The following CDH4 variants were observed in gnomAD, a reference collection of about 807,000 sequenced individuals.
CDH4 encodes the protein cadherin 4.
CDH4 carries 33 observed loss-of-function variants against 86.0 expected under a neutral mutation model. That is an observed-to-expected ratio of 0.38 (90% CI 0.29 to 0.51). CDH4 has a LOEUF of 0.51. Among genes scored for constraint, CDH4 ranks in the 20% least tolerant of loss-of-function variants. The pLI, the probability that CDH4 is intolerant of heterozygous loss-of-function variation, is 0.86. For synonymous variants in CDH4, 555 were observed against 549.4 expected, an observed-to-expected ratio of 1.01 and a Z score of -0.14; for missense variants, 1,114 against 1,307.4, an observed-to-expected ratio of 0.85 and a Z score of 2.28.
intron 2 of CDH4, among the ~76,000 whole-genome samples, chr20:61,704,245 G>T (rs2087806583): frequency 6.6e-6 from 1 of 152,080 alleles, no homozygotes; most frequent in Non-Finnish European, 1.5e-5. Flanking sequence ...GAAGGCATCA[G>T]CTCACAGGAA....
chr20:61,672,713 G>A (rs888830177), intron 2 of CDH4, among the ~76,000 whole-genome samples: 1 of 152,162 alleles, frequency 6.6e-6, no homozygotes, highest in East Asian at 1.9e-4. Flanking sequence ...ATCCCTCAGG[G>A]TCACTGGCAG....
chr20:61,504,649 G>T (rs911309300), intron 2 of CDH4, among the ~76,000 whole-genome samples: 1 of 152,196 alleles, frequency 6.6e-6, no homozygotes, highest in Non-Finnish European at 1.5e-5. Context: ...CCAGCCCCTC[G>T]TTAAACATCC....
intron 2 of CDH4, among the ~76,000 whole-genome samples, chr20:61,430,465 G>A (rs1429095662): frequency 2.0e-5 from 3 of 152,180 alleles, no homozygotes; most frequent in Non-Finnish European, 2.9e-5. Flanking sequence ...GAGGAAATGG[G>A]AAACCTGCTG....
chr20:61,665,500 G>GAAC (rs2087312817), intron 2 of CDH4, among the ~76,000 whole-genome samples: 4 of 152,244 alleles, frequency 2.6e-5, no homozygotes, highest in African/African-American at 9.6e-5. Context: ...TTTGCAGAGT[G>GAAC]CCTTCTTTCC....
chr20:61,555,449 GCAGGACCCTCTGAGGA>G (rs2086170462), intron 2 of CDH4, among the ~76,000 whole-genome samples: 1 of 152,156 alleles, frequency 6.6e-6, no homozygotes, highest in Non-Finnish European at 1.5e-5. Context: ...GCTACCTGGA[GCAGGACCCTCTGAGGA>G]CAGGGTCTCA....
Position 61,493,383 on chromosome 20 carries a change from T to G in CDH4, c.169+238446T>G, listed in dbSNP as rs116512706. Reference sequence around the variant, plus strand: ...ACAAGTAACCTTTTAGTTCTCTGAGTTTTTTGCTTCTTACAGAGCAGTCTT... The same window carrying G: ...ACAAGTAACCTTTTAGTTCTCTGAGGTTTTTGCTTCTTACAGAGCAGTCTT... On this transcript the variant is annotated intron_variant, in intron 2 of 15. Coordinates refer to ENST00000614565, the MANE Select transcript of CDH4 (RefSeq NM_001794.5). Among the ~76,000 whole-genome samples, 408 of 152,222 alleles carry G rather than the reference T, an allele frequency of 2.7e-3. 4 individuals carry two copies. The highest frequency in any genetic ancestry group is 9.2e-3 in the African/African-American group (384 of 41,532).
At chr20:61,773,705 A>G (rs909091963) in intron 4 of CDH4, among the ~76,000 whole-genome samples, 1 of 152,330 alleles carries the variant, frequency 6.6e-6, no homozygotes, top group African/African-American at 2.4e-5. Context: ...GCCATCAACG[A>G]GCAATTTCTT....
intron 4 of CDH4, among the ~76,000 whole-genome samples, chr20:61,785,265 G>T (rs1055102655): frequency 5.3e-5 from 8 of 152,154 alleles, no homozygotes; most frequent in Non-Finnish European, 1.2e-4. Context: ...CATGGGGAGG[G>T]TCACACCTGT....
At chr20:61,293,233 T>TA (rs1357636608) in intron 2 of CDH4, among the ~76,000 whole-genome samples, 1 of 152,122 alleles carries the variant, frequency 6.6e-6, no homozygotes, top group Non-Finnish European at 1.5e-5. Context: ...CACATGCACG[T>TA]AGTGGGACTT....
At chr20:61,391,982 C>T (rs1019222906) in intron 2 of CDH4, among the ~76,000 whole-genome samples, 5 of 151,994 alleles carry the variant, frequency 3.3e-5, no homozygotes. Context: ...GAAAGACAGC[C>T]CCAGTGACTC....
rs1445058267 is a variant in CDH4, at chr20:61,271,821, T to C, written c.169+16884T>C. Among the ~76,000 whole-genome samples the C allele has an allele frequency of 3.9e-5, 6 of 152,286 alleles. No homozygotes were observed. In the East Asian group the frequency reaches 1.2e-3, roughly 29 times the overall value. On this transcript the variant is annotated intron_variant, in intron 2 of 15. Transcript: ENST00000614565. ...TTGCAATGGAAAGATGAAAACGAGG[T>C]GTCGCTGAGCTCTCCCCTCAACGTG...
chr20:61,542,623 G>A (rs2086048659), intron 2 of CDH4, among the ~76,000 whole-genome samples: 1 of 152,086 alleles, frequency 6.6e-6, no homozygotes, highest in African/African-American at 2.4e-5. Flanking sequence ...GTTAGCATAA[G>A]AAAACAAAAG....
chr20:61,671,973 GTAGA>G (rs1226464588), intron 2 of CDH4, among the ~76,000 whole-genome samples: 6 of 148,962 alleles, frequency 4.0e-5, no homozygotes, highest in East Asian at 2.1e-4. Context: ...GAATAAGCGG[GTAGA>G]TAGATGGATG....
At chr20:61,541,953 C>T (rs6121676) in intron 2 of CDH4, among the ~76,000 whole-genome samples, 30,879 of 152,034 alleles carry the variant, frequency 0.2, 5,234 homozygotes, top group African/African-American at 0.45. Flanking sequence ...GCTGTGTGGC[C>T]TGGTTTGAGC....
intron 4 of CDH4, among the ~76,000 whole-genome samples, chr20:61,775,231 G>A (rs1218066891): frequency 2.0e-5 from 3 of 152,112 alleles, no homozygotes; most frequent in Non-Finnish European, 4.4e-5. Context: ...TTGTTACCCA[G>A]GCCAGTGGGG....
intron 2 of CDH4, among the ~76,000 whole-genome samples, chr20:61,503,613 G>A (rs1016263362): frequency 6.6e-6 from 1 of 152,142 alleles, no homozygotes; most frequent in African/African-American, 2.4e-5. Flanking sequence ...ATGTCATAAG[G>A]ACATAGGTCA....
chr20:61,822,248 G>A (rs6121813), intron 4 of CDH4, among the ~76,000 whole-genome samples: 135,144 of 152,264 alleles, frequency 0.89, 60,947 homozygotes, highest in East Asian at 1. Flanking sequence ...CTTGTGTAAT[G>A]GAAACCTTTG....
At position 61,810,336 on chromosome 20, in the gene CDH4, G is replaced by A. The variant is rs936904651; in HGVS notation, c.577-34332G>A. On this transcript the variant is annotated intron_variant, in intron 4 of 15. Coordinates refer to ENST00000614565, the MANE Select transcript of CDH4 (RefSeq NM_001794.5). The surrounding 1 kb of genome is among the most constrained non-coding windows in gnomAD (Gnocchi z 4.3). ...AGGCTGTCGTCCCCCCCATGAGCCT[G>A]CTGTGTGTGTCTGTGACAGAGTTCC... Among the ~76,000 whole-genome samples, 2 of 152,206 alleles carry A rather than the reference G, an allele frequency of 1.3e-5. No homozygotes were observed. Among genetic ancestry groups the A allele is most frequent in the African/African-American group, 4.8e-5 (2 of 41,450 alleles).
chr20:61,391,810 A>G (rs915834338), intron 2 of CDH4, among the ~76,000 whole-genome samples: 2 of 152,088 alleles, frequency 1.3e-5, no homozygotes, highest in Non-Finnish European at 2.9e-5. Flanking sequence ...CCTGCATCCA[A>G]TTTGCTGGTG....
Sources: gnomAD v4.1 joint callset for allele counts (sites outside exome capture counted in the v4.1 genomes callset) on GRCh38, gnomAD v4.1.1 for gene constraint, Gnocchi (gnomAD v3.1) non-coding constraint, MANE v1.5 for transcripts, NCBI Gene and HGNC (gene_info 2026-07-23, HGNC 2026-07-21) for gene names.